Variants in CNNM1 observed in about 807,000 individuals in gnomAD.
The protein encoded by CNNM1 is metal transporter CNNM1.
Under a neutral mutation model 78.8 loss-of-function variants are expected in CNNM1, and 44 were observed. The observed-to-expected ratio is 0.56, with a 90% CI of 0.44 to 0.72. The LOEUF is 0.72. Among genes scored for constraint, CNNM1 ranks in the 30% least tolerant of loss-of-function variants. CNNM1 has a pLI of 0.00. For missense variants in CNNM1, 1,101 were observed against 1,292.2 expected, an observed-to-expected ratio of 0.85 and a Z score of 2.27; for synonymous variants, 584 against 581.5, an observed-to-expected ratio of 1.00 and a Z score of -0.06.
chr10:99,362,461 C>A, intron 4 of CNNM1, 65 bp downstream of exon 4: 1 of 1,508,880 alleles, frequency 6.6e-7, no homozygotes, highest in Non-Finnish European at 9.0e-7. Flanking sequence ...GAAGAAATGG[C>A]CATGCCTCCG....
At chr10:99,359,507 G>T (rs904541423) in intron 2 of CNNM1, among the ~76,000 whole-genome samples, 1 of 152,102 alleles carries the variant, frequency 6.6e-6, no homozygotes, top group Non-Finnish European at 1.5e-5. Flanking sequence ...CCTGGGTCTG[G>T]GTCTGCCCAT....
chr10:99,353,312 G>A (rs544196961), intron 1 of CNNM1, among the ~76,000 whole-genome samples: 24 of 152,290 alleles, frequency 1.6e-4, no homozygotes, highest in African/African-American at 5.5e-4. Context: ...CCTCACGGGT[G>A]GGGGTGGGGA....
chr10:99,387,901 A>G lies in CNNM1; in HGVS notation c.2422A>G (p.Thr808Ala). 1.2e-6 allele frequency: 2 copies of G among 1,613,742 alleles called. 1 individual carries two copies. The highest frequency in any genetic ancestry group is 2.2e-5 in the South Asian group (2 of 91,008). The change falls in exon 8 of 11, where the codon ACA becomes GCA. Residue 808 changes from threonine (T) to alanine (A), a missense_variant. Physicochemically the swap from Thr to Ala is moderately conservative, Grantham distance 58. Coordinates refer to ENST00000356713, the MANE Select transcript of CNNM1 (RefSeq NM_020348.3). ...SPQSPDMEAF[T>A]DGDSTKAPTT... The stretch of plus-strand genomic sequence containing the variant: ...TCAGTCCCCTGACATGGAGGCCTTC[A>G]CAGACGGGGACTCCACTAAGGCCCC...
intron 3 of CNNM1, 90 bp downstream of exon 3, chr10:99,361,065 T>C (rs1189206052): frequency 3.7e-6 from 5 of 1,359,690 alleles, no homozygotes; most frequent in Non-Finnish European, 4.9e-6. Flanking sequence ...TCCAGCCTGA[T>C]TCCAGTGTGC....
chr10:99,377,011 CA>C, intron 6 of CNNM1, 43 bp from the exon 7 acceptor site: 1 of 1,501,634 alleles, frequency 6.7e-7, no homozygotes, highest in Non-Finnish European at 9.0e-7. Flanking sequence ...TCTTCCTCCC[CA>C]CCCATCCCTC....
rs926860113 is a variant in CNNM1 at position 99,391,838 on chromosome 10, C to G, written c.*322C>G. The G allele has an allele frequency of 1.7e-4, 45 of 265,900 alleles. 1 individual carries two copies. The highest frequency in any genetic ancestry group is 1.0e-3 in the Admixed American group (21 of 20,294). The allele number at this position is 265,900 out of a possible 1,614,324, so 16.5% of individuals were successfully genotyped here. A position where few individuals can be genotyped will look rare whatever the true frequency, so the allele number is the denominator to read the frequency against. ...CAATGCCACTCTGGGACCCCTGATGCTCTTCTTTGTTCTTTGGGTCCCCTG... is the reference window on the plus strand; with the variant it reads ...CAATGCCACTCTGGGACCCCTGATGGTCTTCTTTGTTCTTTGGGTCCCCTG... On this transcript the variant is annotated 3_prime_UTR_variant, in exon 11 of 11. Transcript: ENST00000356713.
intron 1 of CNNM1, among the ~76,000 whole-genome samples, chr10:99,355,835 T>C (rs1032742932): frequency 6.6e-6 from 1 of 152,188 alleles, no homozygotes; most frequent in Non-Finnish European, 1.5e-5. Context: ...CTCTGGCACA[T>C]AGTAAGACCT....
Position 99,329,380 on chromosome 10 carries a change from G to C in CNNM1, c.-8G>C. On this transcript the variant is annotated 5_prime_UTR_variant, in exon 1 of 11. Transcript: ENST00000356713. ...TGCAGTATCACGTGCAGCTGCGCTG[G>C]GTGCAGGATGGCGGCGGCCGCGGCG... 1.6e-6 allele frequency: 1 copy of C among 630,264 alleles called. No individual in the cohort carries two copies. Among genetic ancestry groups the C allele is most frequent in the Non-Finnish European group, 2.6e-6 (1 of 391,090 alleles). 39.0% of individuals were successfully genotyped at this position (630,264 alleles called of 1,614,324 possible). A position where few individuals can be genotyped will look rare whatever the true frequency, so the allele number is the denominator to read the frequency against.
At chr10:99,349,306 G>A (rs2030837583) in intron 1 of CNNM1, among the ~76,000 whole-genome samples, 1 of 152,162 alleles carries the variant, frequency 6.6e-6, no homozygotes, top group African/African-American at 2.4e-5. Flanking sequence ...CAGAATTTCT[G>A]TGGGTGGGAC....
chr10:99,370,820 G>A lies in CNNM1; in HGVS notation c.2176+5818G>A, dbSNP rs117328952. ...TTTACATATATGCTAAATCTCAACC[G>A]TATCTTATATGGGAGGAAAATAAAT... On this transcript the variant is annotated intron_variant, in intron 6 of 10. Transcript: ENST00000356713. Among the ~76,000 whole-genome samples the A allele has an allele frequency of 1.4e-3, 215 of 152,270 alleles. 2 individuals carry two copies. The East Asian group carries it at 0.037, about 26-fold the overall frequency.
At chr10:99,341,927 G>A (rs1169853804) in intron 1 of CNNM1, among the ~76,000 whole-genome samples, 2 of 151,930 alleles carry the variant, frequency 1.3e-5, no homozygotes, top group African/African-American at 4.8e-5. Flanking sequence ...TCTTGATGAC[G>A]CAGGATCATG....
At chr10:99,385,957 C>T (rs762308332) in intron 7 of CNNM1, among the ~76,000 whole-genome samples, 1 of 152,178 alleles carries the variant, frequency 6.6e-6, no homozygotes, top group Non-Finnish European at 1.5e-5. Flanking sequence ...ATTTTCCCAT[C>T]CTTTGGTGTT....
At position 99,388,015 on chromosome 10, in the gene CNNM1, G is replaced by C. The variant is rs1473177907; in HGVS notation, c.2524+12G>C. 5.7e-6 allele frequency: 9 copies of C among 1,578,862 alleles called. No homozygotes were observed. Among genetic ancestry groups the C allele is most frequent in the Non-Finnish European group, 6.9e-6 (8 of 1,161,900 alleles). On this transcript the variant is annotated intron_variant, in intron 8 of 10. Transcript: ENST00000356713. ...GAACAGCCTGCCGTGTAAGTCAGCT[G>C]GGCAGACGGGCAGGCTGGGCTGGTG...
chr10:99,381,668 G>GGAGGCGGAGGTTGCGGT (rs756516324), intron 7 of CNNM1, among the ~76,000 whole-genome samples: 27 of 151,708 alleles, frequency 1.8e-4, no homozygotes, highest in Non-Finnish European at 1.5e-5. Flanking sequence ...CTTGAACCCA[G>GGAGGCGGAGGTTGCGGT]GAGGCGGAGG....
chr10:99,350,565 G>A (rs1164319593), intron 1 of CNNM1, among the ~76,000 whole-genome samples: 1 of 152,078 alleles, frequency 6.6e-6, no homozygotes, highest in Non-Finnish European at 1.5e-5. Flanking sequence ...GACTTTGGAG[G>A]CTATTTTAGC....
intron 7 of CNNM1, among the ~76,000 whole-genome samples, chr10:99,386,021 C>T (rs767223351): frequency 6.6e-6 from 1 of 152,202 alleles, no homozygotes; most frequent in Non-Finnish European, 1.5e-5. Flanking sequence ...CTTCTCACTT[C>T]CCAACAGAGG....
chr10:99,330,462 G>C lies in CNNM1; in HGVS notation c.1075G>C (p.Val359Leu). The change falls in exon 1 of 11, where the codon GTG becomes CTG. Residue 359 changes from valine (V) to leucine (L), a missense_variant. Val to Leu is a conservative substitution (Grantham distance 32, BLOSUM62 1). Around this residue, in one of 3 missense-constraint regions of CNNM1, gnomAD observed 277 missense variants for 423.2 expected, o/e 0.65. Coordinates refer to ENST00000356713, the MANE Select transcript of CNNM1 (RefSeq NM_020348.3). ...CGGGCTGGCCATCGCCTCGCACAGC[G>C]TGTGCCTGACCCGGCTTCTGATGGC... ...RHGLAIASHS[V>L]CLTRLLMAAA... 6.3e-7 allele frequency: 1 copy of C among 1,589,294 alleles called. No individual in the cohort carries two copies.
intron 1 of CNNM1, among the ~76,000 whole-genome samples, chr10:99,356,760 G>C (rs935147431): frequency 6.6e-6 from 1 of 152,108 alleles, no homozygotes; most frequent in South Asian, 2.1e-4. Context: ...CTGGCACTTT[G>C]GTGGGAAACC....
At chr10:99,335,037 T>C (rs1285482208) in intron 1 of CNNM1, among the ~76,000 whole-genome samples, 1 of 152,246 alleles carries the variant, frequency 6.6e-6, no homozygotes, top group Non-Finnish European at 1.5e-5. Context: ...TACACCTGTC[T>C]TATTCCTTCC....
Sources: gnomAD v4.1 joint callset for allele counts (sites outside exome capture counted in the v4.1 genomes callset) on GRCh38, gnomAD v4.1.1 for gene constraint, gnomAD v4.1.1 regional missense constraint, MANE v1.5 for transcripts, NCBI Gene and HGNC (gene_info 2026-07-23, HGNC 2026-07-21) for gene names.